Variants in SYNPR observed in about 807,000 individuals in gnomAD.
SYNPR encodes the protein synaptoporin.
SYNPR carries 23 observed loss-of-function variants against 32.9 expected under a neutral mutation model. The ratio of observed to expected loss-of-function variants is 0.70; its 90% confidence interval spans 0.50 to 0.99. The LOEUF (loss-of-function observed/expected upper bound fraction) is 0.99, where lower values mean the gene tolerates loss of function less well. Ranked by LOEUF, SYNPR falls within the 50% of genes least tolerant of loss-of-function variation. SYNPR has a pLI of 0.00. For synonymous variants in SYNPR, 146 were observed against 135.9 expected, an observed-to-expected ratio of 1.07 and a Z score of -0.52; for missense variants, 318 against 349.3, an observed-to-expected ratio of 0.91 and a Z score of 0.71.
At chr3:63,495,654 T>C (rs940572498) in intron 3 of SYNPR, among the ~76,000 whole-genome samples, 17 of 152,208 alleles carry the variant, frequency 1.1e-4, no homozygotes, top group African/African-American at 4.1e-4. Flanking sequence ...AAATTTTCTG[T>C]TGTTTATAAC....
At chr3:63,350,506 C>A (rs1053027114) in intron 2 of SYNPR, among the ~76,000 whole-genome samples, 12 of 152,134 alleles carry the variant, frequency 7.9e-5, no homozygotes, top group African/African-American at 2.7e-4. Flanking sequence ...TGTGTGTATG[C>A]CTGTGTATGT....
chr3:63,329,575 A>G (rs1210657106), intron 2 of SYNPR, among the ~76,000 whole-genome samples: 1 of 152,188 alleles, frequency 6.6e-6, no homozygotes, highest in Non-Finnish European at 1.5e-5. Flanking sequence ...TGAGGAGAGG[A>G]CTATGCTCTC....
chr3:63,536,609 T>A (rs1702213412), intron 3 of SYNPR, among the ~76,000 whole-genome samples: 1 of 152,136 alleles, frequency 6.6e-6, no homozygotes, highest in Non-Finnish European at 1.5e-5. Flanking sequence ...ATCTAGCAAT[T>A]CCACTCCTAA....
intron 4 of SYNPR, among the ~76,000 whole-genome samples, chr3:63,603,254 T>C (rs368191519): frequency 1.3e-5 from 2 of 152,294 alleles, no homozygotes; most frequent in East Asian, 1.9e-4. Context: ...GCAGAGACTA[T>C]GAGATTTTCC....
chr3:63,506,731 G>A (rs1474749469), intron 3 of SYNPR, among the ~76,000 whole-genome samples: 1 of 152,126 alleles, frequency 6.6e-6, no homozygotes, highest in Non-Finnish European at 1.5e-5. Context: ...TGCGGAGTTA[G>A]ACATTAACAA....
At chr3:63,378,082 G>A (rs1357241767) in intron 2 of SYNPR, among the ~76,000 whole-genome samples, 2 of 151,582 alleles carry the variant, frequency 1.3e-5, no homozygotes, top group African/African-American at 4.8e-5. Context: ...AATTCCATAT[G>A]TATTTTTGTA....
At chr3:63,465,202 A>T (rs189885457) in intron 2 of SYNPR, among the ~76,000 whole-genome samples, 2 of 152,290 alleles carry the variant, frequency 1.3e-5, no homozygotes, top group East Asian at 1.9e-4. Context: ...CCTTCATTTC[A>T]TTAAAATATA....
chr3:63,601,991 T>A (rs905639771), intron 4 of SYNPR, among the ~76,000 whole-genome samples: 6 of 152,028 alleles, frequency 3.9e-5, no homozygotes, highest in African/African-American at 1.4e-4. Flanking sequence ...CTTGCCAGCA[T>A]CTGTTTTTTT....
At chr3:63,523,058 G>A (rs545564624) in intron 3 of SYNPR, among the ~76,000 whole-genome samples, 2 of 152,258 alleles carry the variant, frequency 1.3e-5, no homozygotes, top group African/African-American at 4.8e-5. Context: ...AGAAGTAGAA[G>A]TGGACCCCTT....
At position 63,417,699 on chromosome 3, in the gene SYNPR, C is replaced by A. The variant is rs562633066; in HGVS notation, c.85-63133C>A. ...CTTGACTTCTGTGCACTGGCAGGCT[C>A]AACCCCATGTGGAAGCTGCCAAGGC... On this transcript the variant is annotated intron_variant, in intron 2 of 5. Transcript: ENST00000478300. Among the ~76,000 whole-genome samples, 255 of 152,362 alleles carry A rather than the reference C, an allele frequency of 1.7e-3. 1 individual carries two copies. The highest frequency in any genetic ancestry group is 5.7e-3 in the African/African-American group (236 of 41,588).
At chr3:63,501,608 AAT>A (rs1234840791) in intron 3 of SYNPR, among the ~76,000 whole-genome samples, 1 of 152,156 alleles carries the variant, frequency 6.6e-6, no homozygotes, top group Non-Finnish European at 1.5e-5. Flanking sequence ...GTGCTTAATA[AAT>A]ATGATGAGCC....
chr3:63,453,605 C>T (rs1975650), intron 2 of SYNPR, among the ~76,000 whole-genome samples: 50,079 of 151,956 alleles, frequency 0.33, 9,380 homozygotes, highest in African/African-American at 0.51. Flanking sequence ...TAAATGACAT[C>T]TAAACTTCAC....
chr3:63,377,159 T>C (rs1183545973), intron 2 of SYNPR, among the ~76,000 whole-genome samples: 2 of 152,188 alleles, frequency 1.3e-5, no homozygotes, highest in Non-Finnish European at 2.9e-5. Flanking sequence ...CTGAAACATA[T>C]CTGCTGCTAA....
At chr3:63,393,347 A>G (rs1381136172) in intron 2 of SYNPR, among the ~76,000 whole-genome samples, 2 of 152,200 alleles carry the variant, frequency 1.3e-5, no homozygotes, top group Admixed American at 1.3e-4. Context: ...TGAATCACAG[A>G]GTACATAGGT....
intron 4 of SYNPR, among the ~76,000 whole-genome samples, chr3:63,566,989 G>C (rs1702800619): frequency 6.6e-6 from 1 of 152,124 alleles, no homozygotes; most frequent in Non-Finnish European, 1.5e-5. Flanking sequence ...ACACTCTATT[G>C]ACTTTCTCAT....
In SYNPR at chr3:63,577,386, C is replaced by T. The variant is rs540878021; in HGVS notation, c.408+20645C>T. Among the ~76,000 whole-genome samples, 5 of 152,134 alleles carry T rather than the reference C, an allele frequency of 3.3e-5. No individual in the cohort carries two copies. The South Asian group carries it at 8.3e-4, about 25-fold the overall frequency. On this transcript the variant is annotated intron_variant, in intron 4 of 5. Transcript: ENST00000478300. ...TTAGGGATATTTGGTTCACCAAGAC[C>T]CACATGGAGAGGAAAGCCAATAGCT...
At chr3:63,260,479 T>C (rs9759279) in intron 2 of SYNPR, among the ~76,000 whole-genome samples, 128,917 of 151,772 alleles carry the variant, frequency 0.85, 55,590 homozygotes, top group African/African-American at 0.95. Flanking sequence ...AAAAGATTCT[T>C]TATTTAATAA....
chr3:63,427,929 C>A (rs1268894327), intron 2 of SYNPR, among the ~76,000 whole-genome samples: 1 of 152,194 alleles, frequency 6.6e-6, no homozygotes, highest in Non-Finnish European at 1.5e-5. Flanking sequence ...ATAATGATTC[C>A]TTCAGTGCCT....
intron 4 of SYNPR, among the ~76,000 whole-genome samples, chr3:63,574,880 G>C (rs1702950971): frequency 6.6e-6 from 1 of 152,096 alleles, no homozygotes; most frequent in Non-Finnish European, 1.5e-5. Context: ...AGTACAGTCA[G>C]ATAAAAGCTA....
Sources: gnomAD v4.1 joint callset for allele counts (sites outside exome capture counted in the v4.1 genomes callset) on GRCh38, gnomAD v4.1.1 for gene constraint, MANE v1.5 for transcripts, NCBI Gene and HGNC (gene_info 2026-07-23, HGNC 2026-07-21) for gene names.